The following EMX1 variants were observed in gnomAD, a reference collection of about 807,000 sequenced individuals.
The protein encoded by EMX1 is empty spiracles homeobox 1, also known as homeobox protein EMX1.
In EMX1, 10 loss-of-function variants were observed where a neutral mutation model predicts 20.1. That is an observed-to-expected ratio of 0.50 (90% CI 0.31 to 0.84). EMX1 has a LOEUF of 0.84. EMX1 is among the 40% of genes least tolerant of loss of function. The pLI is 0.05. For synonymous variants in EMX1, 250 were observed against 200.4 expected, an observed-to-expected ratio of 1.25 and a Z score of -2.09; for missense variants, 424 against 431.9, an observed-to-expected ratio of 0.98 and a Z score of 0.16.
At chr2:72,931,120 G>A (rs1671272647) in intron 2 of EMX1, among the ~76,000 whole-genome samples, 1 of 152,228 alleles carries the variant, frequency 6.6e-6, no homozygotes, top group Non-Finnish European at 1.5e-5. Flanking sequence ...CCTGCCTCTA[G>A]AGAGATGCCT....
chr2:72,926,106 A>T (rs987075497), intron 2 of EMX1: 29 of 984,304 alleles, frequency 2.9e-5, no homozygotes, highest in Non-Finnish European at 3.5e-5. Flanking sequence ...ATTAAATTTT[A>T]ATTGCAGAAC....
chr2:72,926,978 C>T (rs1671215944), intron 2 of EMX1, among the ~76,000 whole-genome samples: 1 of 152,168 alleles, frequency 6.6e-6, no homozygotes, highest in Admixed American at 6.5e-5. Context: ...ATCAGTCACC[C>T]CCAACAGCCC....
rs1471782334 is a variant in EMX1 at position 72,933,661 on chromosome 2, G to GCCCCTAAC, written c.706-123_706-116dup. 421 of 1,301,138 alleles carry GCCCCTAAC rather than the reference G, an allele frequency of 3.2e-4. 4 individuals carry two copies. In the Admixed American group the frequency reaches 9.9e-3, roughly 30 times the overall value. The allele number at this position is 1,301,138 out of a possible 1,614,324, so 80.6% of individuals were successfully genotyped here. Reference sequence around the variant, plus strand: ...TGGTCAGAGGGGACCCCGGCCTGGGGCCCCTAACCCTATGTAGCCTCAGTC... The same window carrying GCCCCTAAC: ...TGGTCAGAGGGGACCCCGGCCTGGGGCCCCTAACCCCCTAACCCTATGTAGCCTCAGTC... On this transcript the variant is annotated intron_variant, in intron 2 of 2. Coordinates refer to ENST00000258106, the MANE Select transcript of EMX1 (RefSeq NM_004097.3).
In EMX1 at chr2:72,918,299, C is replaced by A. The variant is rs1377085221; in HGVS notation, c.447C>A (p.Gly149=). 3 of 1,573,160 alleles carry A rather than the reference C, an allele frequency of 1.9e-6. No homozygotes were observed. The highest frequency in any genetic ancestry group is 2.6e-6 in the Non-Finnish European group (3 of 1,170,566). The change falls in exon 1 of 3, where the codon GGC becomes GGA. Residue 149 remains glycine (G), a synonymous_variant. Transcript: ENST00000258106. ...SPLQPPHSFF[G]AQHRDPLHFY... is the part of the protein sequence containing the mutation. ...TGCAGCCCCCGCACTCCTTCTTCGG[C>A]GCCCAGCACCGGGACCCTCTCCATT...
Position 72,924,501 on chromosome 2 carries a change from C to A in EMX1, c.705+8C>A, listed in dbSNP as rs987518102. ...AGCCTCTCCGAGACGCAGGTAATCA[C>A]CCCCGGTCGCGGCCTGCCCTGCGCC... is the stretch of plus-strand genomic sequence containing the variant. On this transcript the variant is annotated splice_region_variant and intron_variant, in intron 2 of 2. Coordinates refer to ENST00000258106, the MANE Select transcript of EMX1 (RefSeq NM_004097.3). 1 of 1,570,116 alleles carries A rather than the reference C, an allele frequency of 6.4e-7. No homozygotes were observed.
intron 2 of EMX1, among the ~76,000 whole-genome samples, chr2:72,928,125 C>A (rs913247039): frequency 6.6e-6 from 1 of 152,154 alleles, no homozygotes; most frequent in East Asian, 1.9e-4. Context: ...GTGGGGTATT[C>A]GTGCTGGGAT....
rs1671327118 is a variant in EMX1, at chr2:72,934,041, C to T, written c.*87C>T. On this transcript the variant is annotated 3_prime_UTR_variant, in exon 3 of 3. Coordinates refer to ENST00000258106, the MANE Select transcript of EMX1 (RefSeq NM_004097.3). ...GGGCCCAAGCTGGACTCTGGCCACTCCCTGGCCAGGCTTTGGGGAGGCCTG... is the reference window on the plus strand; with the variant it reads ...GGGCCCAAGCTGGACTCTGGCCACTTCCTGGCCAGGCTTTGGGGAGGCCTG... 4 of 1,541,222 alleles carry T rather than the reference C, an allele frequency of 2.6e-6. No homozygotes were observed. The East Asian group carries it at 9.3e-5, about 36-fold the overall frequency.
chr2:72,916,415 G>T, upstream of EMX1: 1 of 519,644 alleles, frequency 1.9e-6, no homozygotes, highest in Middle Eastern at 5.2e-4. Flanking sequence ...CGCCGGCAAG[G>T]TCCAGGTCCC....
chr2:72,932,234 A>C (rs1422004318), intron 2 of EMX1, among the ~76,000 whole-genome samples: 2 of 152,216 alleles, frequency 1.3e-5, no homozygotes, highest in East Asian at 1.9e-4. Context: ...GCAGTTGGCC[A>C]CATCCACTTG....
Position 72,934,200 on chromosome 2 carries a change from C to G in EMX1, c.*246C>G, listed in dbSNP as rs570294003. 5.3e-4 allele frequency: 277 copies of G among 523,384 alleles called. 1 individual carries two copies. Among genetic ancestry groups the G allele is most frequent in the African/African-American group, 4.8e-3 (249 of 51,948 alleles). The allele number at this position is 523,384 out of a possible 1,614,324, so 32.4% of individuals were successfully genotyped here. On this transcript the variant is annotated 3_prime_UTR_variant, in exon 3 of 3. Coordinates refer to ENST00000258106, the MANE Select transcript of EMX1 (RefSeq NM_004097.3). ...CTGCCTGGGCGGGCCCGCCCGCCAC[C>G]GCAGCCTCCCAGCTGCTCTCCGTGT...
chr2:72,925,330 A>T (rs1671178996), intron 2 of EMX1: 1 of 1,111,014 alleles, frequency 9.0e-7, no homozygotes, highest in Non-Finnish European at 1.1e-6. Flanking sequence ...GGAAAAAATT[A>T]AAGAATTAGA....
chr2:72,916,665 G>A (rs752884729), upstream of EMX1: 75 of 714,242 alleles, frequency 1.1e-4, no homozygotes, highest in Non-Finnish European at 1.5e-4. Flanking sequence ...TGTCCTGACG[G>A]CTGGCGTGTT....
chr2:72,925,391 T>C (rs1181827150), intron 2 of EMX1: 10 of 1,239,814 alleles, frequency 8.1e-6, no homozygotes, highest in Non-Finnish European at 1.0e-5. Context: ...GACTTTGCCA[T>C]AAATAAATGC....
At chr2:72,919,161 A>G (rs1206699640) in intron 1 of EMX1, among the ~76,000 whole-genome samples, 4 of 149,058 alleles carry the variant, frequency 2.7e-5, no homozygotes, top group Admixed American at 2.7e-4. Context: ...GCTTGCTAAT[A>G]AAGATCCTCC....
chr2:72,916,524 A>T, upstream of EMX1: 1 of 600,842 alleles, frequency 1.7e-6, no homozygotes, highest in Non-Finnish European at 3.0e-6. Context: ...CCCGGCTCTC[A>T]CAGCCTGTCG....
rs901118383 is a variant in EMX1, at chr2:72,918,044, G to A, written c.192G>A (p.Ala64=). ...GTGGGTGGGG[A]GSHLLAAAAS... is the part of the protein sequence containing the mutation. ...GCGGGGGCACTGGCGGCGGGGGCGCGGGCTCCCATCTCCTGGCGGCGGCCG... is the reference window on the plus strand; with the variant it reads ...GCGGGGGCACTGGCGGCGGGGGCGCAGGCTCCCATCTCCTGGCGGCGGCCG... Residue 64 remains alanine, a synonymous_variant, in exon 1 of 3, where the codon GCG becomes GCA. Transcript: ENST00000258106. 26 of 1,420,192 alleles carry A rather than the reference G, an allele frequency of 1.8e-5. No homozygotes were observed. In the African/African-American group the frequency reaches 3.9e-4, roughly 21 times the overall value. The allele number at this position is 1,420,192 out of a possible 1,614,324, so 88.0% of individuals were successfully genotyped here.
At chr2:72,916,678 C>T (rs1027754569), upstream of EMX1, 8 of 716,280 alleles carry the variant, frequency 1.1e-5, no homozygotes, top group Admixed American at 2.0e-5. Flanking sequence ...GGCGTGTTCT[C>T]TTGAGATGGG....
chr2:72,924,058 G>C (rs1051864549), intron 1 of EMX1: 5 of 597,118 alleles, frequency 8.4e-6, no homozygotes, highest in African/African-American at 3.7e-5. Flanking sequence ...GGGATCTGGA[G>C]AGCTGTTATT....
At chr2:72,927,231 C>A (rs543544009) in intron 2 of EMX1, among the ~76,000 whole-genome samples, 1 of 152,180 alleles carries the variant, frequency 6.6e-6, no homozygotes, top group Non-Finnish European at 1.5e-5. Context: ...GTGTTTCCAC[C>A]ATTCATCTCA....
Sources: gnomAD v4.1 joint callset for allele counts (sites outside exome capture counted in the v4.1 genomes callset) on GRCh38, gnomAD v4.1.1 for gene constraint, MANE v1.5 for transcripts, NCBI Gene and HGNC (gene_info 2026-07-23, HGNC 2026-07-21) for gene names.